Variants in DCAF4 observed in about 807,000 individuals in gnomAD.
The protein encoded by DCAF4 is DDB1 and CUL4 associated factor 4.
A neutral mutation model predicts 60.9 loss-of-function variants in DCAF4; 37 were observed. The ratio of observed to expected loss-of-function variants is 0.61; its 90% CI spans 0.47 to 0.80. The LOEUF (loss-of-function observed/expected upper bound fraction) is 0.80. Ranked by LOEUF, DCAF4 falls within the 30% of genes least tolerant of loss-of-function variation. The pLI is 0.00. For synonymous variants in DCAF4, 243 were observed against 254.8 expected, an observed-to-expected ratio of 0.95 and a Z score of 0.44; for missense variants, 577 against 650.0, an observed-to-expected ratio of 0.89 and a Z score of 1.22.
At chr14:72,941,469 C>T (rs757824645) in intron 4 of DCAF4, among the ~76,000 whole-genome samples, 17 of 152,164 alleles carry the variant, frequency 1.1e-4, no homozygotes, top group Non-Finnish European at 2.1e-4. Flanking sequence ...GCTGCACTCA[C>T]GCACCTGGTG....
chr14:72,931,951 CTG>C (rs141624818), intron 1 of DCAF4, among the ~76,000 whole-genome samples: 3,070 of 149,638 alleles, frequency 0.021, 47 homozygotes, highest in Non-Finnish European at 0.03. Flanking sequence ...TTTTGTGTCT[CTG>C]TATTCATAAC....
chr14:72,933,544 G>A (rs1299308375), intron 1 of DCAF4, among the ~76,000 whole-genome samples: 2 of 144,722 alleles, frequency 1.4e-5, no homozygotes, highest in African/African-American at 2.6e-5. Flanking sequence ...GGGTGACAGA[G>A]CAAGACTCCA....
At chr14:72,929,298 CTG>C in intron 1 of DCAF4, among the ~76,000 whole-genome samples, 1 of 152,234 alleles carries the variant, frequency 6.6e-6, no homozygotes. Flanking sequence ...AACTGCTAGA[CTG>C]TGAGAGAGAG....
chr14:72,951,940 G>T, intron 9 of DCAF4, 63 bp downstream of exon 9: 5 of 1,581,040 alleles, frequency 3.2e-6, no homozygotes, highest in Non-Finnish European at 4.3e-6. Context: ...TGTGGGGGTG[G>T]CTTAGAGAGA....
intron 11 of DCAF4, 126 bp downstream of exon 11, chr14:72,954,609 G>A (rs878946878): frequency 1.1e-6 from 1 of 893,674 alleles, no homozygotes; most frequent in Non-Finnish European, 1.7e-6. Context: ...CATCAGAAAG[G>A]ATCAGTGGGT....
At chr14:72,955,946 G>A (rs151105471) in intron 12 of DCAF4, among the ~76,000 whole-genome samples, 5,896 of 120,746 alleles carry the variant, frequency 0.049, 230 homozygotes, top group East Asian at 0.19. Flanking sequence ...TTTTTGAGAT[G>A]GAGTCTTGCT....
chr14:72,944,556 G>T (rs139381430), intron 6 of DCAF4, among the ~76,000 whole-genome samples: 123 of 152,276 alleles, frequency 8.1e-4, no homozygotes, highest in South Asian at 1.2e-3. Flanking sequence ...ATTTTGGGAG[G>T]CCTCAGCAGG....
chr14:72,957,033 A>T (rs1892401507), intron 13 of DCAF4: 1 of 158,386 alleles, frequency 6.3e-6, no homozygotes, highest in African/African-American at 2.4e-5. Flanking sequence ...CAACATGGTG[A>T]AACCCCATCT....
At position 72,951,988 on chromosome 14, in the gene DCAF4, C is replaced by T. The variant is rs778737546; in HGVS notation, c.808+111C>T. The T allele has an allele frequency of 7.0e-6, 8 of 1,151,036 alleles. No homozygotes were observed. In the East Asian group the frequency reaches 7.1e-5, roughly 10 times the overall value. 71.3% of individuals were successfully genotyped at this position (1,151,036 alleles called of 1,614,324 possible). ...CTGCAGAGGCACTGTGGGAGGATTC[C>T]CTAAGCCTGTCCCAGGGTTAGTACC... On this transcript the variant is annotated intron_variant, in intron 9 of 13. Coordinates refer to ENST00000358377, the MANE Select transcript of DCAF4 (RefSeq NM_015604.4).
intron 1 of DCAF4, among the ~76,000 whole-genome samples, chr14:72,937,468 A>G (rs1317227041): frequency 1.5e-5 from 2 of 133,522 alleles, no homozygotes; most frequent in Non-Finnish European, 3.1e-5. Flanking sequence ...GCTAGAGTGC[A>G]GTTTACAGTG....
At chr14:72,953,726 AAAAAAAATATATAT>A (rs1291696913) in intron 9 of DCAF4, among the ~76,000 whole-genome samples, 4 of 45,868 alleles carry the variant, frequency 8.7e-5, no homozygotes, top group African/African-American at 3.3e-4. Context: ...AAAAAAAAAA[AAAAAAAATATATAT>A]ATATATATAT....
At chr14:72,961,981 C>A, downstream of DCAF4, 1 of 1,119,442 alleles carries the variant, frequency 8.9e-7, no homozygotes, top group Non-Finnish European at 1.1e-6. Context: ...AGAGGTCACC[C>A]ACTTCCCTCT....
At chr14:72,943,421 G>A (rs955761447) in intron 6 of DCAF4, among the ~76,000 whole-genome samples, 1 of 152,134 alleles carries the variant, frequency 6.6e-6, no homozygotes, top group Non-Finnish European at 1.5e-5. Flanking sequence ...AATTAAAAAG[G>A]CTCACAGTGG....
chr14:72,929,970 A>T, intron 1 of DCAF4: 1 of 738,384 alleles, frequency 1.4e-6, no homozygotes, highest in South Asian at 1.6e-5. Flanking sequence ...GAAGGCCAAA[A>T]ATATTTTTTA....
chr14:72,958,831 T>C lies in DCAF4; in HGVS notation c.*26T>C. On this transcript the variant is annotated 3_prime_UTR_variant, in exon 14 of 14. Coordinates refer to ENST00000358377, the MANE Select transcript of DCAF4 (RefSeq NM_015604.4). ...TTCTGCAGGGCACAGCCCAGAGCCA[T>C]GTGGATTTGACTTACGGGAGTAAAG... 3.3e-6 allele frequency: 5 copies of C among 1,521,108 alleles called. No homozygotes were observed. The highest frequency in any genetic ancestry group is 4.4e-6 in the Non-Finnish European group (5 of 1,136,782). The allele number at this position is 1,521,108 out of a possible 1,614,324, so 94.2% of individuals were successfully genotyped here.
chr14:72,954,332 T>C, intron 10 of DCAF4, 54 bp from the exon 11 acceptor site: 1 of 1,611,800 alleles, frequency 6.2e-7, no homozygotes, highest in South Asian at 1.1e-5. Flanking sequence ...TAGTTGTCCC[T>C]CTCCCCAGAC....
chr14:72,958,712 T>C lies in DCAF4; in HGVS notation c.1395T>C (p.Ser465=). ...CTGCCTCCAAGGCCGACATTCCCAG[T>C]GTGGCCTTCTCGTCGCGGCTGGGGG... ...PYPASKADIP[S]VAFSSRLGGS... The change falls in exon 14 of 14, where the codon AGT becomes AGC. Residue 465 remains serine (S), a synonymous_variant. Coordinates refer to ENST00000358377, the MANE Select transcript of DCAF4 (RefSeq NM_015604.4). 2.5e-6 allele frequency: 4 copies of C among 1,614,062 alleles called. No individual in the cohort carries two copies. Among genetic ancestry groups the C allele is most frequent in the Non-Finnish European group, 3.4e-6 (4 of 1,179,980 alleles).
In DCAF4 at chr14:72,959,157, T is replaced by C. The variant is rs534438126; in HGVS notation, c.*352T>C. On this transcript the variant is annotated 3_prime_UTR_variant, in exon 14 of 14. Coordinates refer to ENST00000358377, the MANE Select transcript of DCAF4 (RefSeq NM_015604.4). ...AAAAGCTTCTTCCTCCAAGAGCCCA[T>C]TGAAGAAGCCCAGTGATGAGACGGT... is the stretch of plus-strand genomic sequence containing the variant. 8.1e-5 allele frequency: 81 copies of C among 1,006,210 alleles called. No individual in the cohort carries two copies. The highest frequency in any genetic ancestry group is 1.0e-4 in the East Asian group (1 of 9,734). 62.3% of individuals were successfully genotyped at this position (1,006,210 alleles called of 1,614,324 possible).
At chr14:72,951,938 T>C in intron 9 of DCAF4, 61 bp downstream of exon 9, 1 of 1,586,192 alleles carries the variant, frequency 6.3e-7, no homozygotes, top group African/African-American at 1.3e-5. Flanking sequence ...TGTGTGGGGG[T>C]GGCTTAGAGA....
Sources: gnomAD v4.1 joint callset for allele counts (sites outside exome capture counted in the v4.1 genomes callset) on GRCh38, gnomAD v4.1.1 for gene constraint, MANE v1.5 for transcripts, NCBI Gene and HGNC (gene_info 2026-07-23, HGNC 2026-07-21) for gene names.